RCOR1: variants seen among roughly 807,000 people sequenced by gnomAD.
The protein encoded by RCOR1 is REST corepressor 1, also known as REST corepressor.
In RCOR1, 12 loss-of-function variants were observed where a neutral mutation model predicts 64.0. That is an observed-to-expected ratio of 0.19 (90% CI 0.12 to 0.30). RCOR1 has a LOEUF of 0.30. RCOR1 is among the 10% of genes least tolerant of loss of function. RCOR1 has a pLI of 1.00. For synonymous variants in RCOR1, 279 were observed against 227.2 expected (o/e 1.23, Z -2.05); for missense variants, 502 against 621.2 (o/e 0.81, Z 2.04).
At chr14:102,667,371 G>A (rs1894935439) in intron 2 of RCOR1, among the ~76,000 whole-genome samples, 1 of 151,904 alleles carries the variant, frequency 6.6e-6, no homozygotes, top group Admixed American at 6.6e-5. Flanking sequence ...CGTGGTGGTG[G>A]GTGCCTGTAA....
Position 102,708,596 on chromosome 14 carries a change from C to T in RCOR1, c.779+13C>T. 6.8e-7 allele frequency: 1 copy of T among 1,470,426 alleles called. No homozygotes were observed. The highest frequency in any genetic ancestry group is 9.5e-7 in the Non-Finnish European group (1 of 1,050,304). The allele number at this position is 1,470,426 out of a possible 1,614,324, so 91.1% of individuals were successfully genotyped here. On this transcript the variant is annotated intron_variant, in intron 6 of 11. Coordinates refer to ENST00000262241, the MANE Select transcript of RCOR1 (RefSeq NM_015156.4). The stretch of plus-strand genomic sequence containing the variant: ...AGCGGGAGGAGAGGTGAGCACATGG[C>T]TGGGGTGTTGTCTAACCACTTAGGG...
At chr14:102,723,997 T>A (rs1896214165) in intron 11 of RCOR1, among the ~76,000 whole-genome samples, 1 of 152,156 alleles carries the variant, frequency 6.6e-6, no homozygotes, top group Non-Finnish European at 1.5e-5. Flanking sequence ...TATTCTTGGA[T>A]CATTGGTTGA....
intron 4 of RCOR1, among the ~76,000 whole-genome samples, chr14:102,703,948 C>G (rs1422565490): frequency 3.9e-5 from 6 of 152,214 alleles, no homozygotes; most frequent in African/African-American, 1.4e-4. Flanking sequence ...AGGCATCTTA[C>G]GTTGGAGCTG....
In RCOR1 at chr14:102,721,365, C is replaced by G; in HGVS notation, c.1177C>G (p.Leu393Val). Residue 393 changes from leucine (L) to valine (V), a missense_variant, in exon 10 of 12, where the codon CTC becomes GTC. Coordinates refer to ENST00000262241, the MANE Select transcript of RCOR1 (RefSeq NM_015156.4). ...ACGTTGGACTACAGAAGAGCAGCTT[C>G]TCGCCGTACAAGGTAGGGGGAAGTT... ...NARWTTEEQL[L>V]AVQAIRKYGR... 6.2e-7 allele frequency: 1 copy of G among 1,613,652 alleles called. No individual in the cohort carries two copies. Among genetic ancestry groups the G allele is most frequent in the Non-Finnish European group, 8.5e-7 (1 of 1,179,614 alleles).
At chr14:102,625,109 A>G (rs922625661) in intron 2 of RCOR1, among the ~76,000 whole-genome samples, 6 of 152,034 alleles carry the variant, frequency 3.9e-5, no homozygotes, top group Non-Finnish European at 1.5e-5. Flanking sequence ...TCCTCACCTC[A>G]AGGGATCCTC....
At chr14:102,662,309 C>T (rs72635192) in intron 2 of RCOR1, 110,011 of 555,028 alleles carry the variant, frequency 0.2, 12,515 homozygotes, top group East Asian at 0.35. Flanking sequence ...CGTATGCCTC[C>T]TTCTCTCCAT....
chr14:102,722,961 T>C (rs1896192525), intron 11 of RCOR1, among the ~76,000 whole-genome samples: 1 of 152,320 alleles, frequency 6.6e-6, no homozygotes, highest in East Asian at 1.9e-4. Flanking sequence ...ACTTCTGTGA[T>C]GGTGGCTAAT....
At chr14:102,655,247 T>G in intron 2 of RCOR1, 1 of 985,038 alleles carries the variant, frequency 1.0e-6, no homozygotes, top group Non-Finnish European at 1.2e-6. Flanking sequence ...ATTCCTGGCC[T>G]TCCATTTTCC....
chr14:102,629,850 A>G (rs1427316843), intron 2 of RCOR1, among the ~76,000 whole-genome samples: 1 of 152,176 alleles, frequency 6.6e-6, no homozygotes. Context: ...TCCCCTTTGT[A>G]CAGACCATAA....
chr14:102,680,256 A>T (rs1455416147), intron 2 of RCOR1, among the ~76,000 whole-genome samples: 1 of 152,076 alleles, frequency 6.6e-6, no homozygotes, highest in Non-Finnish European at 1.5e-5. Flanking sequence ...AAACTTGTTT[A>T]TTCTGGTACC....
chr14:102,674,011 A>G (rs146330589), intron 2 of RCOR1, among the ~76,000 whole-genome samples: 135 of 152,370 alleles, frequency 8.9e-4, no homozygotes, highest in African/African-American at 3.2e-3. Context: ...TTCTTCAGAT[A>G]AACAGAACTA....
At chr14:102,708,627 T>TAGTCCC in intron 6 of RCOR1, 44 bp downstream of exon 6, 1 of 1,085,296 alleles carries the variant, frequency 9.2e-7, no homozygotes, top group Non-Finnish European at 1.4e-6. Flanking sequence ...TAGGGGACTA[T>TAGTCCC]CTAAGAGCCC....
intron 2 of RCOR1, among the ~76,000 whole-genome samples, chr14:102,653,543 A>T (rs1381217928): frequency 6.6e-6 from 1 of 152,012 alleles, no homozygotes; most frequent in Non-Finnish European, 1.5e-5. Flanking sequence ...TTTATAGCTG[A>T]TAGTTGTGGT....
intron 3 of RCOR1, among the ~76,000 whole-genome samples, chr14:102,689,647 AT>A (rs1895492884): frequency 2.0e-5 from 3 of 152,234 alleles, no homozygotes; most frequent in Admixed American, 6.6e-5. Context: ...TGGGTTTTTT[AT>A]TTTATAAAAA....
intron 2 of RCOR1, among the ~76,000 whole-genome samples, chr14:102,663,175 A>T (rs1249916939): frequency 1.3e-5 from 2 of 152,188 alleles, no homozygotes; most frequent in Non-Finnish European, 2.9e-5. Context: ...GCCTGCTGCC[A>T]TCCACGTAAG....
At chr14:102,687,452 G>C (rs1028324853) in intron 3 of RCOR1, among the ~76,000 whole-genome samples, 1 of 152,004 alleles carries the variant, frequency 6.6e-6, no homozygotes. Flanking sequence ...TAGTTTTTTT[G>C]GGCTGTGTCT....
chr14:102,708,332 C>T, intron 5 of RCOR1, 133 bp from the exon 6 acceptor site: 3 of 597,978 alleles, frequency 5.0e-6, no homozygotes, highest in South Asian at 3.1e-5. Flanking sequence ...CATCTCCTGA[C>T]CTCGTGATCC....
intron 2 of RCOR1, among the ~76,000 whole-genome samples, chr14:102,601,828 G>A (rs1893404658): frequency 1.3e-5 from 2 of 152,158 alleles, no homozygotes; most frequent in African/African-American, 4.8e-5. Flanking sequence ...TTTCTCTCTT[G>A]AAGGGAAATC....
intron 2 of RCOR1, among the ~76,000 whole-genome samples, chr14:102,600,618 TG>T (rs1399734330): frequency 6.7e-6 from 1 of 149,920 alleles, no homozygotes; most frequent in African/African-American, 2.5e-5. Context: ...TTCCCCAGGC[TG>T]GAGTGCAGTG....
Sources: allele counts gnomAD v4.1 joint callset (sites outside exome capture counted in the v4.1 genomes callset), GRCh38; gene constraint gnomAD v4.1.1; transcripts MANE v1.5; gene names NCBI Gene and HGNC (gene_info 2026-07-23, HGNC 2026-07-21).